Variants in MIR2052HG observed in about 807,000 individuals in gnomAD.
MIR2052HG encodes the protein MIR2052 host gene.
intron 2 of MIR2052HG, among the ~76,000 whole-genome samples, chr8:74,699,435 T>TAC (rs1809335854): frequency 7.2e-6 from 1 of 139,196 alleles, no homozygotes; most frequent in Non-Finnish European, 1.6e-5. Context: ...TATATATATA[T>TAC]ACACCATGGA....
intron 4 of MIR2052HG, among the ~76,000 whole-genome samples, chr8:74,709,051 A>G (rs1172154572): frequency 6.6e-6 from 1 of 152,112 alleles, no homozygotes; most frequent in Non-Finnish European, 1.5e-5. Flanking sequence ...TTGATTCTGA[A>G]TATAACATGT....
chr8:74,635,982 CA>C (rs1808577082), intron 2 of MIR2052HG, among the ~76,000 whole-genome samples: 1 of 152,116 alleles, frequency 6.6e-6, no homozygotes, highest in Non-Finnish European at 1.5e-5. Flanking sequence ...AAAGAGCAAA[CA>C]AACTCATCAT....
chr8:74,723,200 C>T (rs980044850), intron 4 of MIR2052HG, among the ~76,000 whole-genome samples: 3 of 152,194 alleles, frequency 2.0e-5, no homozygotes, highest in Admixed American at 2.0e-4. Context: ...TCTTTCATCC[C>T]GCACTCAAGT....
chr8:74,622,430 C>G (rs1379147926), intron 2 of MIR2052HG, among the ~76,000 whole-genome samples: 1 of 152,048 alleles, frequency 6.6e-6, no homozygotes, highest in Non-Finnish European at 1.5e-5. Flanking sequence ...ATGGCAAAAC[C>G]CTGTTTTTAC....
chr8:74,677,171 C>T (rs944407499), intron 2 of MIR2052HG, among the ~76,000 whole-genome samples: 1 of 151,898 alleles, frequency 6.6e-6, no homozygotes, highest in Non-Finnish European at 1.5e-5. Flanking sequence ...AACCTACATG[C>T]ACTAATAAAA....
At chr8:74,721,866 C>G (rs540398038) in intron 4 of MIR2052HG, among the ~76,000 whole-genome samples, 34 of 152,250 alleles carry the variant, frequency 2.2e-4, no homozygotes, top group Admixed American at 3.9e-4. Flanking sequence ...TGGAGACTAC[C>G]TACCATATTC....
chr8:74,738,156 CCTAT>C (rs1809790285), intron 4 of MIR2052HG, among the ~76,000 whole-genome samples: 1 of 105,594 alleles, frequency 9.5e-6, no homozygotes, highest in African/African-American at 3.2e-5. Context: ...TATCCATCTA[CCTAT>C]CTATCTCATC....
intron 2 of MIR2052HG, among the ~76,000 whole-genome samples, chr8:74,681,172 C>T (rs1314866089): frequency 6.6e-6 from 1 of 151,146 alleles, no homozygotes; most frequent in African/African-American, 2.4e-5. Context: ...ATGTAACTAA[C>T]CTGCACATTG....
intron 2 of MIR2052HG, among the ~76,000 whole-genome samples, chr8:74,677,314 T>C (rs1809063053): frequency 6.6e-6 from 1 of 152,000 alleles, no homozygotes; most frequent in Admixed American, 6.6e-5. Flanking sequence ...AACTTGAACA[T>C]CATAATTAAT....
chr8:74,731,027 C>A (rs116240405), intron 4 of MIR2052HG, among the ~76,000 whole-genome samples: 1,927 of 152,104 alleles, frequency 0.013, 31 homozygotes, highest in African/African-American at 0.044. Flanking sequence ...TGGAAAGTCC[C>A]CAAAGTGTCC....
At chr8:74,748,821 T>G (rs1186247775) in intron 4 of MIR2052HG, among the ~76,000 whole-genome samples, 1 of 152,188 alleles carries the variant, frequency 6.6e-6, no homozygotes, top group African/African-American at 2.4e-5. Context: ...AACAGATGTT[T>G]GCTTTCTACC....
At chr8:74,749,196 T>TA (rs1809918229) in intron 4 of MIR2052HG, among the ~76,000 whole-genome samples, 1 of 152,178 alleles carries the variant, frequency 6.6e-6, no homozygotes, top group South Asian at 2.1e-4. Context: ...AATTGCAACA[T>TA]ACTGTCAGCA....
chr8:74,608,575 T>C (rs1563510900), intron 1 of MIR2052HG, among the ~76,000 whole-genome samples: 2 of 152,162 alleles, frequency 1.3e-5, no homozygotes, highest in Admixed American at 6.5e-5. Context: ...TTTACCAAGA[T>C]AGACCATATT....
At chr8:74,713,484 C>T (rs1458384854) in intron 4 of MIR2052HG, among the ~76,000 whole-genome samples, 1 of 152,010 alleles carries the variant, frequency 6.6e-6, no homozygotes, top group Non-Finnish European at 1.5e-5. Context: ...AGCCTCTGAC[C>T]TGTTTGCTTA....
chr8:74,691,374 T>C (rs1369436642), intron 2 of MIR2052HG, among the ~76,000 whole-genome samples: 1 of 152,162 alleles, frequency 6.6e-6, no homozygotes, highest in Non-Finnish European at 1.5e-5. Flanking sequence ...GAGGAGTTGG[T>C]CAATCCTCAG....
chr8:74,647,054 G>A (rs896881615), intron 2 of MIR2052HG, among the ~76,000 whole-genome samples: 1 of 152,184 alleles, frequency 6.6e-6, no homozygotes, highest in African/African-American at 2.4e-5. Flanking sequence ...TTATCAGTCT[G>A]TGTGCAGGAG....
intron 2 of MIR2052HG, among the ~76,000 whole-genome samples, chr8:74,654,752 A>T (rs984065348): frequency 3.3e-5 from 5 of 152,158 alleles, no homozygotes; most frequent in Non-Finnish European, 7.3e-5. Flanking sequence ...GTAAATTGGT[A>T]TCAGGAGTAG....
At chr8:74,676,452 A>C (rs1053417191) in intron 2 of MIR2052HG, among the ~76,000 whole-genome samples, 5 of 151,950 alleles carry the variant, frequency 3.3e-5, no homozygotes, top group African/African-American at 1.2e-4. Flanking sequence ...AATATTGCAA[A>C]GATTACATTA....
intron 2 of MIR2052HG, among the ~76,000 whole-genome samples, chr8:74,651,512 A>G (rs1808752276): frequency 1.3e-5 from 2 of 152,188 alleles, no homozygotes; most frequent in Non-Finnish European, 2.9e-5. Context: ...AAAGAATCTT[A>G]AAACTATGGA....
Sources: gnomAD v4.1 joint callset for allele counts (sites outside exome capture counted in the v4.1 genomes callset) on GRCh38, gnomAD v4.1.1 for gene constraint, MANE v1.5 for transcripts, NCBI Gene and HGNC (gene_info 2026-07-23, HGNC 2026-07-21) for gene names.